Variants in PCBP3 observed in about 807,000 individuals in gnomAD.
The protein encoded by PCBP3 is poly(rC)-binding protein 3.
In PCBP3, 25 loss-of-function variants were observed where a neutral mutation model predicts 52.7. The observed-to-expected ratio is 0.47, with a 90% CI of 0.35 to 0.66. The LOEUF is 0.66. PCBP3 is among the 30% of genes least tolerant of loss of function. The pLI, the probability that PCBP3 is intolerant of heterozygous loss-of-function variation, is 0.01. For missense variants in PCBP3, 391 were observed against 490.3 expected (o/e 0.80, Z 1.91); for synonymous variants, 162 against 183.0 (o/e 0.89, Z 0.93).
intron 13 of PCBP3, chr21:45,918,093 ATAGGGT>A: frequency 1.7e-5 from 4 of 233,108 alleles, no homozygotes; most frequent in Non-Finnish European, 3.4e-5. Context: ...ACATGAAAAC[ATAGGGT>A]CCATCTACAC....
intron 4 of PCBP3, among the ~76,000 whole-genome samples, chr21:45,815,039 A>G (rs2092844210): frequency 9.4e-6 from 1 of 106,566 alleles, no homozygotes; most frequent in Non-Finnish European, 1.8e-5. Context: ...GTGAGTGATG[A>G]GTGGTGAGTG....
In PCBP3 at chr21:45,703,307, A is replaced by G. The variant is rs113905726; in HGVS notation, c.-199-32085A>G. ...TTTGCCCAGATCCATCAGAGGAATC[A>G]CCATCTGTGGCAGCTATAGCCTTAC... On this transcript the variant is annotated intron_variant, in intron 2 of 17. Transcript: ENST00000681687. Among the ~76,000 whole-genome samples, 753 of 152,368 alleles carry G rather than the reference A, an allele frequency of 4.9e-3. 7 individuals are homozygous for G. The highest frequency in any genetic ancestry group is 0.017 in the African/African-American group (691 of 41,594).
chr21:45,712,184 G>A (rs7282487), intron 2 of PCBP3, among the ~76,000 whole-genome samples: 144,529 of 152,320 alleles, frequency 0.95, 68,638 homozygotes, highest in East Asian at 1. Context: ...AGTTTTTGGC[G>A]GTTATGAATA....
intron 1 of PCBP3, among the ~76,000 whole-genome samples, chr21:45,660,952 A>C (rs1175179169): frequency 6.6e-6 from 1 of 152,030 alleles, no homozygotes; most frequent in Non-Finnish European, 1.5e-5. Flanking sequence ...GAGACAGGAG[A>C]ATTGCTTGAA....
chr21:45,829,204 TG>T lies in PCBP3; in HGVS notation c.-125-20755del, dbSNP rs1404658528. 6.6e-6 allele frequency: 1 copy of T among 152,268 alleles called. No individual in the cohort carries two copies. The highest frequency in any genetic ancestry group is 1.5e-5 in the Non-Finnish European group (1 of 68,074). 9.4% of individuals were successfully genotyped at this position (152,268 alleles called of 1,614,324 possible). ...CCTCTGCTGCTCTGGGCCAGGGCTCTGGATGGGCCCCACGTGGTGGGGGCCT... is the reference window on the plus strand; with the variant it reads ...CCTCTGCTGCTCTGGGCCAGGGCTCTGATGGGCCCCACGTGGTGGGGGCCT... On this transcript the variant is annotated intron_variant, in intron 4 of 17. Coordinates refer to ENST00000681687, the MANE Select transcript of PCBP3 (RefSeq NM_001384156.1). This position sits in a 1 kb window ranked among gnomAD's most constrained non-coding sequence, Gnocchi z 5.2.
intron 2 of PCBP3, among the ~76,000 whole-genome samples, chr21:45,698,069 A>G (rs1360497454): frequency 1.3e-5 from 2 of 152,152 alleles, no homozygotes; most frequent in African/African-American, 4.8e-5. Flanking sequence ...TCCCTGGGAG[A>G]TGTGAAAAAC....
intron 1 of PCBP3, among the ~76,000 whole-genome samples, chr21:45,662,419 G>T (rs534296743): frequency 4.1e-4 from 62 of 151,496 alleles, no homozygotes; most frequent in Non-Finnish European, 8.0e-4. Context: ...ACTGTGCCTG[G>T]CCTGCATTTG....
intron 1 of PCBP3, among the ~76,000 whole-genome samples, chr21:45,652,206 A>G (rs549387202): frequency 7.9e-4 from 121 of 152,298 alleles, no homozygotes; most frequent in Non-Finnish European, 1.3e-3. Flanking sequence ...TCTTCTTGCC[A>G]TTTATTAATT....
intron 2 of PCBP3, among the ~76,000 whole-genome samples, chr21:45,713,672 G>A (rs1316806244): frequency 6.6e-6 from 1 of 152,220 alleles, no homozygotes; most frequent in Non-Finnish European, 1.5e-5. Flanking sequence ...CATGGTGCAC[G>A]AGGGAGCACA....
intron 3 of PCBP3, among the ~76,000 whole-genome samples, chr21:45,748,377 G>A (rs2087104050): frequency 6.6e-6 from 1 of 152,198 alleles, no homozygotes; most frequent in African/African-American, 2.4e-5. Flanking sequence ...TGGTGTCACA[G>A]AGGCCACCCT....
At chr21:45,695,593 G>A (rs1180967818) in intron 2 of PCBP3, among the ~76,000 whole-genome samples, 1 of 152,038 alleles carries the variant, frequency 6.6e-6, no homozygotes, top group African/African-American at 2.4e-5. Context: ...TTTTACATTT[G>A]TTATTCCTAT....
chr21:45,701,473 A>G (rs1427376044), intron 2 of PCBP3, among the ~76,000 whole-genome samples: 1 of 152,248 alleles, frequency 6.6e-6, no homozygotes, highest in Non-Finnish European at 1.5e-5. Flanking sequence ...AAATTAACAC[A>G]GATATTTTAA....
At chr21:45,678,228 C>T (rs1472841486) in intron 2 of PCBP3, among the ~76,000 whole-genome samples, 2 of 151,746 alleles carry the variant, frequency 1.3e-5, no homozygotes, top group Admixed American at 1.3e-4. Flanking sequence ...ATGGCATGAA[C>T]CTGGGAGGCG....
At chr21:45,885,615 CTGT>C (rs2095499817) in intron 5 of PCBP3, among the ~76,000 whole-genome samples, 1 of 152,106 alleles carries the variant, frequency 6.6e-6, no homozygotes, top group African/African-American at 2.4e-5. Flanking sequence ...GGGGTACTTT[CTGT>C]TGTTTTTTCT....
chr21:45,774,127 G>A (rs571524300), intron 4 of PCBP3, among the ~76,000 whole-genome samples: 70 of 152,150 alleles, frequency 4.6e-4, no homozygotes, highest in African/African-American at 1.4e-3. Context: ...TTATGGGGCC[G>A]GGCGTGGTGG....
chr21:45,815,501 G>C (rs1450412714), intron 4 of PCBP3, among the ~76,000 whole-genome samples: 3 of 109,052 alleles, frequency 2.8e-5, no homozygotes, highest in Non-Finnish European at 5.8e-5. Context: ...AGTGATGAGT[G>C]AGTGGTGAGT....
At chr21:45,659,337 C>CTT (rs36113182) in intron 1 of PCBP3, among the ~76,000 whole-genome samples, 2,897 of 78,540 alleles carry the variant, frequency 0.037, 66 homozygotes, top group African/African-American at 0.045. Flanking sequence ...TTTTACTTTC[C>CTT]TTTTTTTTTT....
At chr21:45,681,406 A>G (rs772170550) in intron 2 of PCBP3, among the ~76,000 whole-genome samples, 5 of 152,182 alleles carry the variant, frequency 3.3e-5, no homozygotes, top group Admixed American at 6.5e-5. Flanking sequence ...AGTAAACCCC[A>G]TTTGGTCATG....
chr21:45,820,837 G>T (rs557655082), intron 4 of PCBP3, among the ~76,000 whole-genome samples: 3 of 152,244 alleles, frequency 2.0e-5, no homozygotes, highest in African/African-American at 7.2e-5. Flanking sequence ...CCTTGCAGCA[G>T]ACAGGCAGCT....
Sources: gnomAD v4.1 joint callset for allele counts (sites outside exome capture counted in the v4.1 genomes callset) on GRCh38, gnomAD v4.1.1 for gene constraint, Gnocchi (gnomAD v3.1) non-coding constraint, MANE v1.5 for transcripts, NCBI Gene and HGNC (gene_info 2026-07-23, HGNC 2026-07-21) for gene names.